DSCAM: variants seen among roughly 807,000 people sequenced by gnomAD.
DSCAM encodes cell adhesion molecule DSCAM.
A neutral mutation model predicts 217.7 loss-of-function variants in DSCAM; 47 were observed. The ratio of observed to expected loss-of-function variants is 0.22; its 90% confidence interval spans 0.17 to 0.28. The LOEUF (loss-of-function observed/expected upper bound fraction) is 0.28. Among genes scored for constraint, DSCAM ranks in the 10% least tolerant of loss-of-function variants. The pLI is 1.00. For missense variants in DSCAM, 2,080 were observed against 2,618.3 expected (o/e 0.79, Z 4.49); for synonymous variants, 1,056 against 1,015.3 (o/e 1.04, Z -0.76).
In DSCAM at chr21:40,087,268, G is replaced by C; in HGVS notation, c.3870C>G (p.Thr1290=). ...PLAKAPARIL[T]FSGTVTTPWM... is the part of the protein sequence containing the mutation. Reference sequence around the variant, plus strand: ...ATGGAGTAGTCACTGTCCCACTGAAGGTCAGGATTCGTGCAGGAGCTGAGG... The same window carrying C: ...ATGGAGTAGTCACTGTCCCACTGAACGTCAGGATTCGTGCAGGAGCTGAGG... The change falls in exon 22 of 33, where the codon ACC becomes ACG. Residue 1290 remains threonine, a synonymous_variant. Coordinates refer to ENST00000400454, the MANE Select transcript of DSCAM (RefSeq NM_001389.5). The C allele has an allele frequency of 6.2e-7, 1 of 1,614,066 alleles. No individual in the cohort carries two copies. The highest frequency in any genetic ancestry group is 2.2e-5 in the East Asian group (1 of 44,864).
intron 4 of DSCAM, among the ~76,000 whole-genome samples, chr21:40,356,984 T>C (rs1234005153): frequency 2.6e-5 from 4 of 152,208 alleles, no homozygotes; most frequent in African/African-American, 9.6e-5. Context: ...CTGCTCTTTT[T>C]ACTTCACTGG....
intron 1 of DSCAM, among the ~76,000 whole-genome samples, chr21:40,768,974 A>G (rs960677421): frequency 1.3e-5 from 2 of 152,222 alleles, no homozygotes; most frequent in Non-Finnish European, 2.9e-5. Context: ...ATGCATATTG[A>G]AGACGTCCTT....
intron 3 of DSCAM, among the ~76,000 whole-genome samples, chr21:40,517,125 A>G (rs183782391): frequency 6.1e-5 from 9 of 148,010 alleles, no homozygotes; most frequent in African/African-American, 1.2e-4. Flanking sequence ...CCTTATGTGT[A>G]TATATATATA....
At chr21:40,457,856 A>G (rs1025155451) in intron 3 of DSCAM, among the ~76,000 whole-genome samples, 18 of 152,204 alleles carry the variant, frequency 1.2e-4, no homozygotes, top group Admixed American at 1.1e-3. Flanking sequence ...GCAAATTGGA[A>G]AGGAAAGCCA....
chr21:40,415,404 T>C (rs531345614), intron 3 of DSCAM, among the ~76,000 whole-genome samples: 82 of 152,338 alleles, frequency 5.4e-4, no homozygotes, highest in Non-Finnish European at 9.0e-4. Flanking sequence ...ACAGAGCTAA[T>C]ATACTGAGTT....
At chr21:40,727,909 G>A (rs761566872) in intron 1 of DSCAM, among the ~76,000 whole-genome samples, 4 of 152,034 alleles carry the variant, frequency 2.6e-5, no homozygotes, top group South Asian at 2.1e-4. Context: ...CCTCCTTGTC[G>A]TCTCTAGACC....
chr21:40,286,338 C>A (rs752562943), intron 10 of DSCAM, among the ~76,000 whole-genome samples: 2 of 152,100 alleles, frequency 1.3e-5, no homozygotes, highest in Non-Finnish European at 2.9e-5. Context: ...GAGTGAGTGG[C>A]AGCAAGGGCA....
intron 8 of DSCAM, among the ~76,000 whole-genome samples, chr21:40,316,871 A>G (rs1378474670): frequency 6.6e-6 from 1 of 152,148 alleles, no homozygotes; most frequent in Non-Finnish European, 1.5e-5. Flanking sequence ...TTAAAAATTA[A>G]TTGTATATTC....
chr21:40,498,765 ATATATATATGGGTGTG>A (rs2076147295), intron 3 of DSCAM, among the ~76,000 whole-genome samples: 11 of 35,538 alleles, frequency 3.1e-4, no homozygotes, highest in East Asian at 7.9e-4. Context: ...ATGGGTGTAT[ATATATATATGGGTGTG>A]TATATATATA....
chr21:40,106,799 G>GA (rs1167323114), intron 20 of DSCAM, among the ~76,000 whole-genome samples: 1 of 152,104 alleles, frequency 6.6e-6, no homozygotes, highest in Admixed American at 6.6e-5. Context: ...TTGTATTTCT[G>GA]TGGGGCCAGT....
chr21:40,214,465 G>A (rs972763881), intron 11 of DSCAM, among the ~76,000 whole-genome samples: 3 of 152,158 alleles, frequency 2.0e-5, no homozygotes, highest in Non-Finnish European at 4.4e-5. Context: ...GGCATTGTTA[G>A]CATTCCTTTT....
intron 16 of DSCAM, among the ~76,000 whole-genome samples, chr21:40,166,403 G>C (rs888617980): frequency 1.3e-5 from 2 of 152,176 alleles, no homozygotes; most frequent in African/African-American, 4.8e-5. Flanking sequence ...AACGGAATTT[G>C]GCCTAAGACA....
At chr21:40,643,657 T>A (rs2089909709) in intron 3 of DSCAM, among the ~76,000 whole-genome samples, 1 of 152,114 alleles carries the variant, frequency 6.6e-6, no homozygotes, top group South Asian at 2.1e-4. Context: ...CCCAGTAGAA[T>A]CAGATTTGTA....
At chr21:40,230,424 G>C (rs1300581199) in intron 11 of DSCAM, among the ~76,000 whole-genome samples, 1 of 152,042 alleles carries the variant, frequency 6.6e-6, no homozygotes, top group East Asian at 1.9e-4. Context: ...TTCTGGAATT[G>C]GCCAATTTTA....
intron 3 of DSCAM, among the ~76,000 whole-genome samples, chr21:40,491,323 G>A (rs2076074508): frequency 6.6e-6 from 1 of 151,708 alleles, no homozygotes; most frequent in African/African-American, 2.4e-5. Context: ...TATTCTACCT[G>A]CAAAATATGA....
chr21:40,573,255 G>A (rs886934043), intron 3 of DSCAM, among the ~76,000 whole-genome samples: 9 of 151,990 alleles, frequency 5.9e-5, no homozygotes, highest in African/African-American at 1.9e-4. Context: ...GGAGAATGGC[G>A]TGAACCCGGG....
intron 32 of DSCAM, among the ~76,000 whole-genome samples, chr21:40,039,418 A>ATATTT (rs2088700901): frequency 6.6e-6 from 1 of 151,916 alleles, no homozygotes; most frequent in Non-Finnish European, 1.5e-5. Flanking sequence ...ATTAATTGAA[A>ATATTT]TATTTTAACC....
At chr21:40,757,420 T>C (rs2091287458) in intron 1 of DSCAM, among the ~76,000 whole-genome samples, 1 of 152,222 alleles carries the variant, frequency 6.6e-6, no homozygotes. Context: ...CAACAAATTC[T>C]CTCATTCCTC....
intron 3 of DSCAM, among the ~76,000 whole-genome samples, chr21:40,510,704 T>C (rs957149050): frequency 2.0e-5 from 3 of 152,336 alleles, no homozygotes; most frequent in Middle Eastern, 3.4e-3. Context: ...GATGGCAACA[T>C]ACAGGTTAAA....
Sources: gnomAD v4.1 joint callset for allele counts (sites outside exome capture counted in the v4.1 genomes callset) on GRCh38, gnomAD v4.1.1 for gene constraint, MANE v1.5 for transcripts, NCBI Gene and HGNC (gene_info 2026-07-23, HGNC 2026-07-21) for gene names.